The following SBNO1 variants were observed in gnomAD, a reference collection of about 807,000 sequenced individuals.
SBNO1 encodes strawberry notch homolog 1, also known as protein strawberry notch homolog 1.
In SBNO1, 23 loss-of-function variants were observed where a neutral mutation model predicts 173.6. The observed-to-expected ratio is 0.13, with a 90% CI of 0.10 to 0.19. The LOEUF (loss-of-function observed/expected upper bound fraction) is 0.19. SBNO1 is among the 10% of genes least tolerant of loss of function. The probability of loss-of-function intolerance (pLI) is 1.00; values close to 1 mark genes in which losing one functional copy is unlikely to be tolerated. For missense variants in SBNO1, 1,238 were observed against 1,671.2 expected, an observed-to-expected ratio of 0.74 and a Z score of 4.52; for synonymous variants, 632 against 571.5, an observed-to-expected ratio of 1.11 and a Z score of -1.51.
At position 123,295,793 on chromosome 12, in the gene SBNO1, T is replaced by C; in HGVS notation, c.*115A>G. ...TGTCCTTACTCCCAAAAAAACTAAC[T>C]AGAGAGCACAACTGAAAAAAATATA... On this transcript the variant is annotated 3_prime_UTR_variant, in exon 32 of 32. Transcript: ENST00000602398. 18 of 1,409,518 alleles carry C rather than the reference T, an allele frequency of 1.3e-5. No individual in the cohort carries two copies. Among genetic ancestry groups the C allele is most frequent in the Non-Finnish European group, 1.7e-5 (18 of 1,041,080 alleles). The allele number at this position is 1,409,518 out of a possible 1,614,324, so 87.3% of individuals were successfully genotyped here. A position where few individuals can be genotyped will look rare whatever the true frequency, so the allele number is the denominator to read the frequency against.
chr12:123,335,495 G>C lies in SBNO1; in HGVS notation c.748+900C>G, dbSNP rs184116851. Among the ~76,000 whole-genome samples, 459 of 152,216 alleles carry C rather than the reference G, an allele frequency of 3.0e-3. 2 individuals are homozygous for C. The highest frequency in any genetic ancestry group is 5.2e-3 in the Non-Finnish European group (357 of 68,010). On this transcript the variant is annotated intron_variant, in intron 6 of 31. Coordinates refer to ENST00000602398, the MANE Select transcript of SBNO1 (RefSeq NM_001167856.3). ...TGAAAAGTATTCGAAAGACAACTTG[G>C]CTATAAAATTTAACAACCAAGTCCC... is the stretch of plus-strand genomic sequence containing the variant.
At chr12:123,317,488 C>T (rs936287513) in intron 20 of SBNO1, 132 bp from the exon 21 acceptor site, 5 of 781,638 alleles carry the variant, frequency 6.4e-6, no homozygotes, top group African/African-American at 1.8e-5. Flanking sequence ...AGTTTTATTT[C>T]CCAGTCTCCC....
rs1314885858 is a variant in SBNO1 at position 123,323,647 on chromosome 12, C to T, written c.2125+33G>A. The T allele has an allele frequency of 1.9e-6, 3 of 1,555,206 alleles. No individual in the cohort carries two copies. In the South Asian group the frequency reaches 3.5e-5, roughly 18 times the overall value. On this transcript the variant is annotated intron_variant, in intron 16 of 31. Transcript: ENST00000602398. ...GGGATTACAGGTGTGAGCCACCGCA[C>T]CTGGCCTATTTTTTCTTTTTTAAAG...
intron 1 of SBNO1, chr12:123,364,202 A>C: frequency 1.0e-6 from 1 of 985,582 alleles, no homozygotes; most frequent in Non-Finnish European, 1.2e-6. Context: ...CAGATTTAGG[A>C]AGGACGACCG....
At chr12:123,314,235 C>T (rs1868989569) in intron 23 of SBNO1, among the ~76,000 whole-genome samples, 1 of 151,988 alleles carries the variant, frequency 6.6e-6, no homozygotes, top group Non-Finnish European at 1.5e-5. Flanking sequence ...GGCACGATCT[C>T]TACTCACTGA....
chr12:123,342,103 T>A (rs1872636426), intron 4 of SBNO1, among the ~76,000 whole-genome samples: 1 of 151,696 alleles, frequency 6.6e-6, no homozygotes, highest in Admixed American at 6.6e-5. Context: ...AATACAAAAT[T>A]AGCCGGGCAT....
Position 123,291,000 on chromosome 12 carries a change from G to A in SBNO1, c.*4908C>T, listed in dbSNP as rs376216487. On this transcript the variant is annotated 3_prime_UTR_variant, in exon 32 of 32. Coordinates refer to ENST00000602398, the MANE Select transcript of SBNO1 (RefSeq NM_001167856.3). ...CCTGACCTCATGATCCGCCCGCCTC[G>A]GCCTCCCAAAGTGCTGGGATTACAG... is the stretch of plus-strand genomic sequence containing the variant. 5.1e-3 allele frequency: 772 copies of A among 151,718 alleles called. 3 individuals are homozygous for A. The highest frequency in any genetic ancestry group is 8.6e-3 in the Non-Finnish European group (584 of 68,016). 9.4% of individuals were successfully genotyped at this position (151,718 alleles called of 1,614,324 possible).
At position 123,290,473 on chromosome 12, in the gene SBNO1, C is replaced by T. The variant is rs1430512254; in HGVS notation, c.*5435G>A. ...TGTCTGCCTCCCGGGTGCTCAACAC[C>T]ATCATTTTGATGAACCATCCGGGTC... On this transcript the variant is annotated 3_prime_UTR_variant, in exon 32 of 32. Coordinates refer to ENST00000602398, the MANE Select transcript of SBNO1 (RefSeq NM_001167856.3). 1 of 152,042 alleles carries T rather than the reference C, an allele frequency of 6.6e-6. No homozygotes were observed. Among genetic ancestry groups the T allele is most frequent in the African/African-American group, 2.4e-5 (1 of 41,412 alleles). 9.4% of individuals were successfully genotyped at this position (152,042 alleles called of 1,614,324 possible). A position where few individuals can be genotyped will look rare whatever the true frequency, so the allele number is the denominator to read the frequency against.
At chr12:123,329,586 T>A (rs553819791) in intron 9 of SBNO1, among the ~76,000 whole-genome samples, 9 of 151,550 alleles carry the variant, frequency 5.9e-5, no homozygotes, top group African/African-American at 2.0e-4. Context: ...CTAATACTAC[T>A]CTGAAATTTA....
chr12:123,300,894 G>A (rs900468044), intron 30 of SBNO1, among the ~76,000 whole-genome samples: 2 of 150,962 alleles, frequency 1.3e-5, no homozygotes, highest in African/African-American at 4.9e-5. Flanking sequence ...GGGAGATGGA[G>A]GTTGCAGTGA....
At chr12:123,341,189 C>T (rs915823138) in intron 4 of SBNO1, 101 bp from the exon 5 acceptor site, 5 of 643,084 alleles carry the variant, frequency 7.8e-6, no homozygotes, top group Non-Finnish European at 1.3e-5. Flanking sequence ...GTGGCTCACA[C>T]CTGTAATCCC....
At chr12:123,308,063 C>G (rs1013360615) in intron 28 of SBNO1, among the ~76,000 whole-genome samples, 5 of 152,100 alleles carry the variant, frequency 3.3e-5, no homozygotes, top group Non-Finnish European at 1.5e-5. Context: ...CAGATTGAAA[C>G]TGCCTCAAAA....
intron 29 of SBNO1, among the ~76,000 whole-genome samples, chr12:123,303,308 T>C (rs1476650302): frequency 6.6e-6 from 1 of 152,226 alleles, no homozygotes; most frequent in African/African-American, 2.4e-5. Flanking sequence ...ACTTTTGTGA[T>C]TAGCACTGGA....
intron 20 of SBNO1, among the ~76,000 whole-genome samples, chr12:123,318,454 C>T: frequency 6.6e-6 from 1 of 151,816 alleles, no homozygotes; most frequent in East Asian, 1.9e-4. Flanking sequence ...AGTCTCTGGG[C>T]CAGCACAGTA....
chr12:123,302,912 A>G lies in SBNO1; in HGVS notation c.3769-12T>C, dbSNP rs371032755. 170 of 1,602,376 alleles carry G rather than the reference A, an allele frequency of 1.1e-4. No individual in the cohort carries two copies. The highest frequency in any genetic ancestry group is 1.4e-4 in the Non-Finnish European group (163 of 1,169,704). On this transcript the variant is annotated splice_polypyrimidine_tract_variant and intron_variant, in intron 29 of 31. Transcript: ENST00000602398. Reference sequence around the variant, plus strand: ...TCATCTGAGACGACCTGTAAAAATGAGAAGAATTTCATTGAAAACAGTATT... The same window carrying G: ...TCATCTGAGACGACCTGTAAAAATGGGAAGAATTTCATTGAAAACAGTATT...
At chr12:123,340,684 C>T (rs982973722) in intron 5 of SBNO1, among the ~76,000 whole-genome samples, 2 of 149,428 alleles carry the variant, frequency 1.3e-5, no homozygotes, top group African/African-American at 5.0e-5. Context: ...CTAAAATGAA[C>T]ACAGTTATCA....
chr12:123,298,913 G>C (rs2048690901), intron 30 of SBNO1, among the ~76,000 whole-genome samples: 1 of 152,024 alleles, frequency 6.6e-6, no homozygotes, highest in South Asian at 2.1e-4. Context: ...AACATGGCGA[G>C]GCTCTATCTC....
chr12:123,304,360 A>G (rs58948739), intron 29 of SBNO1: 16,766 of 356,588 alleles, frequency 0.047, 747 homozygotes, highest in East Asian at 0.24. Flanking sequence ...TCGGCCTCCC[A>G]AGTGGCTGGA....
chr12:123,319,633 T>C (rs912041407), intron 20 of SBNO1, among the ~76,000 whole-genome samples: 2 of 151,968 alleles, frequency 1.3e-5, no homozygotes, highest in Admixed American at 1.3e-4. Context: ...GGTCTCAAAC[T>C]CCAGAGCTCA....
Sources: gnomAD v4.1 joint callset for allele counts (sites outside exome capture counted in the v4.1 genomes callset) on GRCh38, gnomAD v4.1.1 for gene constraint, MANE v1.5 for transcripts, NCBI Gene and HGNC (gene_info 2026-07-23, HGNC 2026-07-21) for gene names.